Variants in FANCD2 observed in about 807,000 individuals in gnomAD.
FANCD2 encodes the protein FA complementation group D2.
In FANCD2, 131 loss-of-function variants were observed where a neutral mutation model predicts 192.3. That is an observed-to-expected ratio of 0.68 (90% CI 0.59 to 0.79). The LOEUF (loss-of-function observed/expected upper bound fraction) is 0.79, where lower values mean the gene tolerates loss of function less well. FANCD2 is among the 30% of genes least tolerant of loss of function. The probability of loss-of-function intolerance (pLI) is 0.00; values close to 1 mark genes in which losing one functional copy is unlikely to be tolerated. For missense variants in FANCD2, 1,508 were observed against 1,701.6 expected (o/e 0.89, Z 2.00); for synonymous variants, 524 against 612.5 (o/e 0.86, Z 2.13).
At position 10,085,910 on chromosome 3, in the gene FANCD2, A is replaced by C; in HGVS notation, c.3323A>C (p.Glu1108Ala). 1.2e-6 allele frequency: 2 copies of C among 1,610,426 alleles called. No individual in the cohort carries two copies. The highest frequency in any genetic ancestry group is 1.7e-4 in the Middle Eastern group (1 of 6,054). The change falls in exon 33 of 44, where the codon GAG becomes GCG. Residue 1108 changes from glutamate to alanine, a missense_variant. Glu to Ala is a moderately radical substitution (Grantham distance 107). This residue lies in a region of FANCD2 where 796 missense variants were observed against 879.4 expected (regional missense o/e 0.91). Coordinates refer to ENST00000675286, the MANE Select transcript of FANCD2 (RefSeq NM_001018115.3). ...LKQGEHSQPL[E>A]ELLSQSVHYL... is the part of the protein sequence containing the mutation. Reference sequence around the variant, plus strand: ...CAGGGAGAACACAGCCAGCCTTTGGAGGAACTACTCAGGTGAGTCATAACT... The same window carrying C: ...CAGGGAGAACACAGCCAGCCTTTGGCGGAACTACTCAGGTGAGTCATAACT...
intron 29 of FANCD2, among the ~76,000 whole-genome samples, chr3:10,074,934 C>CTAA (rs1553612736): frequency 6.6e-6 from 1 of 151,976 alleles, no homozygotes; most frequent in African/African-American, 2.4e-5. Context: ...ACTACTACTA[C>CTAA]TAATAAGCTA....
At position 10,085,903 on chromosome 3, in the gene FANCD2, C is replaced by G. The variant is rs746020754; in HGVS notation, c.3316C>G (p.Pro1106Ala). 1 of 1,611,556 alleles carries G rather than the reference C, an allele frequency of 6.2e-7. No homozygotes were observed. Among genetic ancestry groups the G allele is most frequent in the South Asian group, 1.1e-5 (1 of 91,032 alleles). The change falls in exon 33 of 44, where the codon CCT becomes GCT. Residue 1106 changes from proline (P) to alanine (A), a missense_variant. Pro to Ala is a conservative substitution (Grantham distance 27). Coordinates refer to ENST00000675286, the MANE Select transcript of FANCD2 (RefSeq NM_001018115.3). ...ACTGAAACAGGGAGAACACAGCCAG[C>G]CTTTGGAGGAACTACTCAGGTGAGT... ...SRLKQGEHSQ[P>A]LEELLSQSVH...
chr3:10,071,313 C>G (rs944785677), intron 26 of FANCD2, among the ~76,000 whole-genome samples: 1 of 151,880 alleles, frequency 6.6e-6, no homozygotes, highest in Non-Finnish European at 1.5e-5. Context: ...ATAGAATCAC[C>G]ATATGATCCA....
intron 38 of FANCD2, 58 bp from the exon 39 acceptor site, chr3:10,093,227 G>C: frequency 1.5e-6 from 2 of 1,363,884 alleles, no homozygotes; most frequent in South Asian, 1.2e-5. Flanking sequence ...CGGGAAAGAG[G>C]CTGGAGTGCT....
intron 27 of FANCD2, 42 bp downstream of exon 27, chr3:10,073,023 G>C (rs765784176): frequency 8.3e-7 from 1 of 1,207,732 alleles, no homozygotes; most frequent in Non-Finnish European, 1.2e-6. Flanking sequence ...CTCTAAATAA[G>C]CTTCATTGAA....
At chr3:10,089,088 C>A in intron 36 of FANCD2, 138 bp downstream of exon 36, 2 of 948,352 alleles carry the variant, frequency 2.1e-6, no homozygotes, top group South Asian at 2.7e-5. Context: ...GTTTTGAGAC[C>A]CACTTGGCCA....
chr3:10,037,227 A>T (rs1212926658), intron 7 of FANCD2, among the ~76,000 whole-genome samples: 4 of 152,210 alleles, frequency 2.6e-5, no homozygotes, highest in African/African-American at 9.7e-5. Flanking sequence ...ATACAAGAAC[A>T]TCAAATATTT....
rs374862529 is a variant in FANCD2, at chr3:10,055,573, G to A, written c.1656+3076G>A. On this transcript the variant is annotated intron_variant, in intron 18 of 43. Coordinates refer to ENST00000675286, the MANE Select transcript of FANCD2 (RefSeq NM_001018115.3). ...CACGCCTGTAATCCCAGCACTTTGG[G>A]AGGCTGAGGCGGGCAGATCATGAGG... Among the ~76,000 whole-genome samples the A allele has an allele frequency of 3.3e-5, 5 of 152,226 alleles. No individual in the cohort carries two copies. The South Asian group carries it at 8.3e-4, about 25-fold the overall frequency.
chr3:10,087,566 G>T (rs1694295427), intron 34 of FANCD2, among the ~76,000 whole-genome samples: 1 of 151,756 alleles, frequency 6.6e-6, no homozygotes, highest in Non-Finnish European at 1.5e-5. Context: ...GACAAAACGA[G>T]ACATAAATCA....
At position 10,072,880 on chromosome 3, in the gene FANCD2, A is replaced by C; in HGVS notation, c.2504A>C (p.Asp835Ala). 6.3e-7 allele frequency: 1 copy of C among 1,594,172 alleles called. No homozygotes were observed. The highest frequency in any genetic ancestry group is 8.6e-7 in the Non-Finnish European group (1 of 1,162,874). Residue 835 changes from aspartate to alanine, a missense_variant, in exon 27 of 44, where the codon GAC (aspartate) becomes GCC (alanine). Asp to Ala is a moderately radical substitution (Grantham distance 126, BLOSUM62 -2). Around this residue, in one of 5 missense-constraint regions of FANCD2, gnomAD observed 796 missense variants for 879.4 expected, o/e 0.91. Transcript: ENST00000675286. Reference protein sequence around the residue: ...ILEKYLAVTPDYVPPLGNFDV... With the variant: ...ILEKYLAVTPAYVPPLGNFDV... The stretch of plus-strand genomic sequence containing the variant: ...CTGCTGTTTGTTTCAGTCACCCCAG[A>C]CTATGTCCCTCCTCTTGGAAACTTT...
chr3:10,089,454 G>A lies in FANCD2; in HGVS notation c.3683+504G>A, dbSNP rs35490742. Among the ~76,000 whole-genome samples, 490 of 152,120 alleles carry A rather than the reference G, an allele frequency of 3.2e-3. 10 individuals are homozygous for A. The South Asian group carries it at 0.039, about 12-fold the overall frequency. On this transcript the variant is annotated intron_variant, in intron 36 of 43. Transcript: ENST00000675286. ...GGCTCTCAGCTAATATATTTGAGAG[G>A]ACCATGGTGGTTTTTGTTTTGTATT...
At chr3:10,096,496 A>G in intron 42 of FANCD2, 24 bp downstream of exon 42, 1 of 1,611,480 alleles carries the variant, frequency 6.2e-7, no homozygotes. Flanking sequence ...CCTGCTAGTG[A>G]TAATCCCCTA....
chr3:10,051,398 AAAAAAAAAACAAAAAGGAGT>A (rs1156263819), intron 17 of FANCD2, among the ~76,000 whole-genome samples: 7 of 36,996 alleles, frequency 1.9e-4, no homozygotes, highest in African/African-American at 3.7e-4. Context: ...AAAAAAAAAA[AAAAAAAAAACAAAAAGGAGT>A]GAGGGATTTA....
chr3:10,053,171 A>AT (rs1490014987), intron 18 of FANCD2, among the ~76,000 whole-genome samples: 2 of 148,926 alleles, frequency 1.3e-5, no homozygotes, highest in Non-Finnish European at 3.0e-5. Context: ...AATGTGGCAC[A>AT]TATACACCAT....
At chr3:10,082,177 C>T (rs1046516742) in intron 32 of FANCD2, among the ~76,000 whole-genome samples, 1 of 152,198 alleles carries the variant, frequency 6.6e-6, no homozygotes, top group Non-Finnish European at 1.5e-5. Flanking sequence ...ATGGTACCAC[C>T]AGTTGCCTGA....
chr3:10,089,078 G>T, intron 36 of FANCD2, 128 bp downstream of exon 36: 1 of 1,044,090 alleles, frequency 9.6e-7, no homozygotes, highest in African/African-American at 1.6e-5. Flanking sequence ...GAGGTCAGGA[G>T]TTTTGAGACC....
intron 2 of FANCD2, among the ~76,000 whole-genome samples, chr3:10,030,422 G>T (rs1156671669): frequency 6.6e-6 from 1 of 152,094 alleles, no homozygotes; most frequent in Admixed American, 6.6e-5. Flanking sequence ...TAATGCCTTT[G>T]CATTCTCATA....
rs2125076614 is a variant in FANCD2 at position 10,088,483 on chromosome 3, G to A, written c.3501G>A (p.Trp1167Ter). 1 of 1,612,298 alleles carries A rather than the reference G, an allele frequency of 6.2e-7. No individual in the cohort carries two copies. The highest frequency in any genetic ancestry group is 8.5e-7 in the Non-Finnish European group (1 of 1,178,334). Reference protein sequence around the residue: ...SLARQFLCRVWPSGDKEKSNI... With the variant: ...SLARQFLCRV The stretch of plus-strand genomic sequence containing the variant: ...CCAGACAATTCCTCTGTCGGGTGTG[G>A]CCAAGTGGGGATAAAGAGAAGAGCA... Residue 1167 changes from tryptophan (W) to a stop codon, truncating the protein, a stop_gained, in exon 35 of 44, where the codon TGG becomes TGA. Coordinates refer to ENST00000675286, the MANE Select transcript of FANCD2 (RefSeq NM_001018115.3). LOFTEE classifies it high-confidence loss of function.
At chr3:10,066,261 G>T (rs2087716921) in intron 25 of FANCD2, among the ~76,000 whole-genome samples, 1 of 152,174 alleles carries the variant, frequency 6.6e-6, no homozygotes, top group Admixed American at 6.5e-5. Flanking sequence ...GTTCGTCCTG[G>T]CACAGGCATA....
Sources: allele counts gnomAD v4.1 joint callset (sites outside exome capture counted in the v4.1 genomes callset), GRCh38; gene constraint gnomAD v4.1.1; regional missense constraint gnomAD v4.1.1; transcripts MANE v1.5; gene names NCBI Gene and HGNC (gene_info 2026-07-23, HGNC 2026-07-21).